NDST3: variants seen among roughly 807,000 people sequenced by gnomAD.
The protein encoded by NDST3 is bifunctional heparan sulfate N-deacetylase/N-sulfotransferase 3.
NDST3 carries 58 observed loss-of-function variants against 96.1 expected under a neutral mutation model. The observed-to-expected ratio is 0.60, with a 90% CI of 0.49 to 0.75. NDST3 has a LOEUF of 0.75. NDST3 is among the 30% of genes least tolerant of loss of function. The pLI is 0.00. For missense variants in NDST3, 788 were observed against 1,034.2 expected (o/e 0.76, Z 3.27); for synonymous variants, 333 against 359.7 (o/e 0.93, Z 0.84).
intron 6 of NDST3, among the ~76,000 whole-genome samples, chr4:118,165,259 G>A (rs770010836): frequency 1.3e-4 from 20 of 151,912 alleles, no homozygotes; most frequent in Non-Finnish European, 2.8e-4. Context: ...AATGTTAACC[G>A]AGAGAGCAAA....
At chr4:118,109,075 T>G (rs1485605150) in intron 3 of NDST3, among the ~76,000 whole-genome samples, 2 of 152,192 alleles carry the variant, frequency 1.3e-5, no homozygotes, top group Non-Finnish European at 2.9e-5. Context: ...AGAGGTTTAG[T>G]TCATCTTTCT....
In NDST3 at chr4:118,184,602, T is replaced by TACACACACACAC. The variant is rs562099266; in HGVS notation, c.1540-39859_1540-39848dup. Among the ~76,000 whole-genome samples the TACACACACACAC allele has an allele frequency of 4.4e-3, 616 of 138,552 alleles. 6 individuals are homozygous for TACACACACACAC. Among genetic ancestry groups the TACACACACACAC allele is most frequent in the East Asian group, 7.8e-3 (36 of 4,644 alleles). The allele number at this position is 138,552 out of a possible 152,430, so 90.9% of individuals were successfully genotyped here. On this transcript the variant is annotated intron_variant, in intron 6 of 13. Coordinates refer to ENST00000296499, the MANE Select transcript of NDST3 (RefSeq NM_004784.3). Reference sequence around the variant, plus strand: ...CTCCCTTTGTCTCTCTCTCTCTCTCTACACACACACACACACACACACACA... The same window carrying TACACACACACAC: ...CTCCCTTTGTCTCTCTCTCTCTCTCTACACACACACACACACACACACACACACACACACACA...
chr4:118,136,418 T>C (rs1337313035), intron 4 of NDST3, among the ~76,000 whole-genome samples: 5 of 152,206 alleles, frequency 3.3e-5, no homozygotes, highest in Non-Finnish European at 7.3e-5. Context: ...TTCAATCACT[T>C]TAGTTGAGCA....
chr4:118,095,188 G>T (rs1316726021), intron 2 of NDST3, among the ~76,000 whole-genome samples: 3 of 151,884 alleles, frequency 2.0e-5, no homozygotes, highest in Admixed American at 2.0e-4. Context: ...TATTTGGGGA[G>T]AGCATATCCT....
intron 6 of NDST3, among the ~76,000 whole-genome samples, chr4:118,180,668 A>G (rs1469252074): frequency 4.6e-5 from 7 of 152,188 alleles, no homozygotes; most frequent in Non-Finnish European, 8.8e-5. Context: ...AGAAAGCACC[A>G]CAGGATTGGG....
chr4:118,197,599 A>G (rs549189612), intron 6 of NDST3, among the ~76,000 whole-genome samples: 2 of 152,092 alleles, frequency 1.3e-5, no homozygotes, highest in South Asian at 2.1e-4. Flanking sequence ...TTGTCTTGAA[A>G]TCTATTTTGT....
At chr4:118,172,915 G>A (rs1475215220) in intron 6 of NDST3, among the ~76,000 whole-genome samples, 5 of 152,064 alleles carry the variant, frequency 3.3e-5, no homozygotes, top group Non-Finnish European at 2.9e-5. Flanking sequence ...AAAGTCCATA[G>A]TGTGAGAGGT....
At chr4:118,041,044 G>A (rs1724437263) in intron 1 of NDST3, among the ~76,000 whole-genome samples, 1 of 151,628 alleles carries the variant, frequency 6.6e-6, no homozygotes, top group Non-Finnish European at 1.5e-5. Flanking sequence ...CCCTGCACCC[G>A]GCCTCTAAGA....
intron 6 of NDST3, among the ~76,000 whole-genome samples, chr4:118,159,722 A>G (rs1347208669): frequency 6.6e-6 from 1 of 152,208 alleles, no homozygotes; most frequent in Non-Finnish European, 1.5e-5. Context: ...AGAAAATATT[A>G]AAAATGGAAT....
At chr4:118,041,981 C>T (rs1324557850) in intron 1 of NDST3, among the ~76,000 whole-genome samples, 1 of 152,126 alleles carries the variant, frequency 6.6e-6, no homozygotes, top group Non-Finnish European at 1.5e-5. Context: ...GGGAAGAATA[C>T]AGTTGGTCAG....
chr4:118,147,448 AC>A (rs1183477823), intron 6 of NDST3, among the ~76,000 whole-genome samples: 3 of 152,238 alleles, frequency 2.0e-5, no homozygotes, highest in Non-Finnish European at 4.4e-5. Context: ...TTACAATTAT[AC>A]AGAGTACTCA....
chr4:118,085,172 T>A (rs1728324732), intron 2 of NDST3, among the ~76,000 whole-genome samples: 1 of 152,046 alleles, frequency 6.6e-6, no homozygotes, highest in Admixed American at 6.6e-5. Context: ...AGGGAAATAA[T>A]CTTAACATTA....
chr4:118,227,224 CAT>C lies in NDST3; in HGVS notation c.1819+243_1819+244del, dbSNP rs574712263. ...ATATCCAGCAGTCAATTTGGTAGCA[CAT>C]GTTTTTTTTTTTCCCCCCCAAATGT... On this transcript the variant is annotated intron_variant, in intron 8 of 13. Coordinates refer to ENST00000296499, the MANE Select transcript of NDST3 (RefSeq NM_004784.3). 7.7e-4 allele frequency among the ~76,000 whole-genome samples: 60 copies of C among 78,370 alleles called. No homozygotes were observed. The South Asian group carries it at 0.044, about 58-fold the overall frequency. 51.4% of individuals were successfully genotyped at this position (78,370 alleles called of 152,430 possible).
chr4:118,043,830 G>C (rs537194786), intron 1 of NDST3, among the ~76,000 whole-genome samples: 1 of 152,176 alleles, frequency 6.6e-6, no homozygotes, highest in Non-Finnish European at 1.5e-5. Context: ...AGTGAGATGT[G>C]CAATTGAAAA....
At position 118,054,475 on chromosome 4, in the gene NDST3, G is replaced by A. The variant is rs772285048; in HGVS notation, c.565G>A (p.Ala189Thr). 14 of 1,612,882 alleles carry A rather than the reference G, an allele frequency of 8.7e-6. No homozygotes were observed. The highest frequency in any genetic ancestry group is 1.3e-5 in the African/African-American group (1 of 74,838). Residue 189 changes from alanine to threonine, a missense_variant, in exon 2 of 14, where the codon GCA becomes ACA. Around this residue, in one of 3 missense-constraint regions of NDST3, gnomAD observed 234 missense variants for 256.9 expected, o/e 0.91. Transcript: ENST00000296499. ...CCCTTTTTCCATATATGGAAATCTT[G>A]CAGTAAAAGATTGTTGTATTAATCC... ...GFPFSIYGNL[A>T]VKDCCINPHS...
chr4:118,163,532 A>G lies in NDST3; in HGVS notation c.1539+19848A>G, dbSNP rs1735339127. Among the ~76,000 whole-genome samples, 3 of 151,992 alleles carry G rather than the reference A, an allele frequency of 2.0e-5. No homozygotes were observed. The South Asian group carries it at 6.2e-4, about 32-fold the overall frequency. On this transcript the variant is annotated intron_variant, in intron 6 of 13. Transcript: ENST00000296499. ...AACCAAACACCGCATATTCTCACTC[A>G]TAGGTGGGAACTGAACAATGAGAAC...
chr4:118,102,533 A>G (rs1729846105), intron 2 of NDST3, among the ~76,000 whole-genome samples: 1 of 152,188 alleles, frequency 6.6e-6, no homozygotes, highest in Non-Finnish European at 1.5e-5. Flanking sequence ...ATAATTTTAT[A>G]TCATTTTTAT....
At chr4:118,112,819 A>G (rs1407142192) in intron 3 of NDST3, among the ~76,000 whole-genome samples, 1 of 152,174 alleles carries the variant, frequency 6.6e-6, no homozygotes, top group Non-Finnish European at 1.5e-5. Context: ...CTTTCTCACT[A>G]TGAAGCTTCC....
chr4:118,118,745 T>A (rs1223022409), intron 4 of NDST3, among the ~76,000 whole-genome samples: 1 of 151,970 alleles, frequency 6.6e-6, no homozygotes, highest in Non-Finnish European at 1.5e-5. Context: ...AACAGGGGAT[T>A]TTTTTTTGGA....
Sources: allele counts gnomAD v4.1 joint callset (sites outside exome capture counted in the v4.1 genomes callset), GRCh38; gene constraint gnomAD v4.1.1; regional missense constraint gnomAD v4.1.1; transcripts MANE v1.5; gene names NCBI Gene and HGNC (gene_info 2026-07-23, HGNC 2026-07-21).